The following SPINK2 variants were observed in gnomAD, a reference collection of about 807,000 sequenced individuals.
SPINK2 encodes serine protease inhibitor Kazal-type 2.
Under a neutral mutation model 13.5 loss-of-function variants are expected in SPINK2, and 8 were observed. That is an observed-to-expected ratio of 0.59 (90% confidence interval 0.35 to 1.07). SPINK2 has a LOEUF of 1.07. Ranked by LOEUF, SPINK2 falls within the 50% of genes least tolerant of loss-of-function variation. SPINK2 has a pLI of 0.02. For missense variants in SPINK2, 148 were observed against 180.3 expected, an observed-to-expected ratio of 0.82 and a Z score of 1.03; for synonymous variants, 76 against 74.7, an observed-to-expected ratio of 1.02 and a Z score of -0.09.
chr4:56,815,806 T>C (rs1717403835), intron 2 of SPINK2, among the ~76,000 whole-genome samples: 1 of 123,678 alleles, frequency 8.1e-6, no homozygotes. Context: ...ACAAAACTAT[T>C]ATTACTAATA....
chr4:56,815,699 A>G (rs1717380492), intron 2 of SPINK2, among the ~76,000 whole-genome samples: 1 of 151,918 alleles, frequency 6.6e-6, no homozygotes, highest in Non-Finnish European at 1.5e-5. Flanking sequence ...ACCGTGTCTC[A>G]AAAAACAAAC....
Position 56,810,078 on chromosome 4 carries a change from C to T in SPINK2, c.*61G>A, listed in dbSNP as rs1716852119. The T allele has an allele frequency of 6.4e-7, 1 of 1,550,968 alleles. No individual in the cohort carries two copies. The highest frequency in any genetic ancestry group is 1.4e-5 in the African/African-American group (1 of 72,708). ...CAGGAAAAGAGAAAAAGGGGAAATG[C>T]AATTTATCTAGTCTGCCAGTGAAGG... On this transcript the variant is annotated 3_prime_UTR_variant, in exon 4 of 4. Transcript: ENST00000506738.
In SPINK2 at chr4:56,809,933, A is replaced by G; in HGVS notation, c.*206T>C. 2.9e-6 allele frequency: 4 copies of G among 1,399,438 alleles called. No individual in the cohort carries two copies. The highest frequency in any genetic ancestry group is 3.8e-6 in the Non-Finnish European group (4 of 1,063,784). 86.7% of individuals were successfully genotyped at this position (1,399,438 alleles called of 1,614,324 possible). ...TCACCTGGGCAGTAAGCTTAACTCC[A>G]GGAGCAAAAGCCAAGAAACAAGGAT... On this transcript the variant is annotated 3_prime_UTR_variant, in exon 4 of 4. Transcript: ENST00000506738.
intron 2 of SPINK2, among the ~76,000 whole-genome samples, chr4:56,812,924 C>T (rs530598662): frequency 2.2e-4 from 34 of 152,334 alleles, no homozygotes; most frequent in South Asian, 1.0e-3. Flanking sequence ...AAGATACTAA[C>T]TACAGGAAGA....
chr4:56,821,826 G>C (rs990523159), upstream of SPINK2: 129 of 739,162 alleles, frequency 1.7e-4, no homozygotes, highest in Non-Finnish European at 2.0e-5. Context: ...GGGAAGAGGA[G>C]CGGCGGGAAG....
intron 2 of SPINK2, among the ~76,000 whole-genome samples, chr4:56,819,483 A>T (rs1717745652): frequency 6.6e-6 from 1 of 152,250 alleles, no homozygotes; most frequent in Non-Finnish European, 1.5e-5. Flanking sequence ...TATTTAGAAT[A>T]ACCAGGCCAG....
chr4:56,812,182 C>T (rs894811060), intron 2 of SPINK2, among the ~76,000 whole-genome samples: 9 of 151,240 alleles, frequency 6.0e-5, no homozygotes, highest in African/African-American at 2.2e-4. Context: ...GCGTGAGCCA[C>T]TGCGCCTGGC....
intron 2 of SPINK2, 29 bp from the exon 3 acceptor site, chr4:56,811,823 A>T: frequency 6.9e-7 from 1 of 1,456,080 alleles, no homozygotes; most frequent in East Asian, 2.3e-5. Context: ...GAAATTCGAG[A>T]ATGACTTGAG....
chr4:56,821,724 G>A, upstream of SPINK2: 1 of 1,384,782 alleles, frequency 7.2e-7, no homozygotes, highest in Non-Finnish European at 9.3e-7. Flanking sequence ...CGCAGGGAGC[G>A]CTCGTGCGAC....
At chr4:56,819,220 A>AGT (rs1435720912) in intron 2 of SPINK2, among the ~76,000 whole-genome samples, 6 of 152,192 alleles carry the variant, frequency 3.9e-5, no homozygotes, top group Non-Finnish European at 8.8e-5. Flanking sequence ...GCACAGAGAA[A>AGT]GTGTGTGTGT....
At chr4:56,812,652 CCTA>C (rs1468197710) in intron 2 of SPINK2, among the ~76,000 whole-genome samples, 1 of 150,706 alleles carries the variant, frequency 6.6e-6, no homozygotes, top group African/African-American at 2.4e-5. Context: ...TGCCACCACA[CCTA>C]CTTTTTTATT....
chr4:56,815,325 C>T (rs1717346427), intron 2 of SPINK2, among the ~76,000 whole-genome samples: 1 of 152,118 alleles, frequency 6.6e-6, no homozygotes, highest in Non-Finnish European at 1.5e-5. Context: ...CTATTCAACA[C>T]TATACCGAAG....
chr4:56,818,366 C>T (rs1283938084), intron 2 of SPINK2: 1 of 152,132 alleles, frequency 6.6e-6, no homozygotes, highest in Non-Finnish European at 1.5e-5. Context: ...TGTCAAAAGA[C>T]AGCAGGTCCA....
At chr4:56,820,800 G>C (rs555093561) in intron 1 of SPINK2, among the ~76,000 whole-genome samples, 1 of 152,254 alleles carries the variant, frequency 6.6e-6, no homozygotes, top group East Asian at 1.9e-4. Context: ...TCCAGTTTGG[G>C]ATTTATCCAG....
At chr4:56,819,448 C>T (rs1717741801) in intron 2 of SPINK2, among the ~76,000 whole-genome samples, 1 of 152,164 alleles carries the variant, frequency 6.6e-6, no homozygotes, top group Non-Finnish European at 1.5e-5. Flanking sequence ...CAACCTGCAG[C>T]ATCCTGTCCA....
At chr4:56,813,919 C>CTTTTTTTTTTTTTT (rs71194126) in intron 2 of SPINK2, among the ~76,000 whole-genome samples, 1 of 97,132 alleles carries the variant, frequency 1.0e-5, no homozygotes, top group Non-Finnish European at 2.0e-5. Flanking sequence ...GCACCTGGCC[C>CTTTTTTTTTTTTTT]TTTTTTTTTT....
At chr4:56,813,509 A>C (rs572900002) in intron 2 of SPINK2, among the ~76,000 whole-genome samples, 5 of 152,190 alleles carry the variant, frequency 3.3e-5, no homozygotes, top group African/African-American at 7.2e-5. Context: ...AGCGTTATCA[A>C]CTGAGCTCTG....
intron 1 of SPINK2, 90 bp downstream of exon 1, chr4:56,821,368 T>C (rs1717918665): frequency 2.8e-6 from 4 of 1,414,914 alleles, no homozygotes; most frequent in Non-Finnish European, 2.8e-6. Flanking sequence ...CAGGTGTCCT[T>C]AGAGCTGGGA....
intron 2 of SPINK2, 151 bp from the exon 3 acceptor site, chr4:56,811,945 T>C (rs974140051): frequency 1.5e-5 from 5 of 324,220 alleles, no homozygotes; most frequent in Non-Finnish European, 1.6e-5. Context: ...TTCTTTTTTT[T>C]TTTTTTTTTT....
Sources: allele counts gnomAD v4.1 joint callset (sites outside exome capture counted in the v4.1 genomes callset), GRCh38; gene constraint gnomAD v4.1.1; transcripts MANE v1.5; gene names NCBI Gene and HGNC (gene_info 2026-07-23, HGNC 2026-07-21).